Variants in MAP7D1 observed in about 807,000 individuals in gnomAD.
The protein encoded by MAP7D1 is MAP7 domain-containing protein 1.
Under a neutral mutation model 97.5 loss-of-function variants are expected in MAP7D1, and 30 were observed. That is an observed-to-expected ratio of 0.31 (90% CI 0.23 to 0.42). The LOEUF (loss-of-function observed/expected upper bound fraction) is 0.42. MAP7D1 is among the 10% of genes least tolerant of loss of function. MAP7D1 has a pLI of 1.00. For missense variants in MAP7D1, 1,184 were observed against 1,179.5 expected (o/e 1.00, Z -0.06); for synonymous variants, 536 against 477.1 (o/e 1.12, Z -1.61).
At chr1:36,178,865 GGGCC>G in intron 11 of MAP7D1, 42 bp downstream of exon 11, 2 of 1,546,126 alleles carry the variant, frequency 1.3e-6, no homozygotes, top group Non-Finnish European at 1.7e-6. Flanking sequence ...CGGGCGCCGC[GGGCC>G]GGGAGGGAAG....
At chr1:36,161,129 T>C (rs1644403184) in intron 1 of MAP7D1, among the ~76,000 whole-genome samples, 1 of 152,194 alleles carries the variant, frequency 6.6e-6, no homozygotes, top group African/African-American at 2.4e-5. Context: ...TTCAGATCTG[T>C]AGTCTCAGTC....
rs776577317 is a variant in MAP7D1, at chr1:36,178,409, C to T, written c.1709-10C>T. 593 of 1,605,370 alleles carry T rather than the reference C, an allele frequency of 3.7e-4. No homozygotes were observed. Among genetic ancestry groups the T allele is most frequent in the Non-Finnish European group, 4.9e-4 (579 of 1,176,226 alleles). ...GGTGTGCTGACGCCTGATCCCGGAT[C>T]CCCCTCCAGACGCTGCTGTCTTGAC... On this transcript the variant is annotated splice_polypyrimidine_tract_variant and intron_variant, in intron 9 of 16. Coordinates refer to ENST00000474796, the MANE Select transcript of MAP7D1 (RefSeq NM_001388490.1).
chr1:36,160,856 G>A (rs1469494556), intron 1 of MAP7D1, among the ~76,000 whole-genome samples: 1 of 152,234 alleles, frequency 6.6e-6, no homozygotes, highest in Non-Finnish European at 1.5e-5. Flanking sequence ...TGGAGCCTAA[G>A]CAGTTGAACC....
intron 1 of MAP7D1, among the ~76,000 whole-genome samples, chr1:36,158,337 G>C (rs1644365071): frequency 6.6e-6 from 1 of 152,148 alleles, no homozygotes; most frequent in African/African-American, 2.4e-5. Context: ...GGCTTTCTGG[G>C]AGTAAATGTG....
Position 36,180,496 on chromosome 1 carries a change from A to C in MAP7D1, c.*238A>C. ...CAGACATCCCTTCTCCCCCATACAC[A>C]CATATACACTCACAGCCTCTCTGGC... On this transcript the variant is annotated 3_prime_UTR_variant, in exon 17 of 17. Transcript: ENST00000474796. 1.7e-6 allele frequency: 1 copy of C among 583,986 alleles called. No homozygotes were observed. 36.2% of individuals were successfully genotyped at this position (583,986 alleles called of 1,614,324 possible).
At chr1:36,169,410 G>C (rs1249910298) in intron 1 of MAP7D1, among the ~76,000 whole-genome samples, 1 of 152,088 alleles carries the variant, frequency 6.6e-6, no homozygotes, top group Non-Finnish European at 1.5e-5. Flanking sequence ...CAAAAAATTA[G>C]CCAGGCGTGG....
Position 36,174,953 on chromosome 1 carries a change from AATC to A in MAP7D1, c.797_799del (p.Ile266del). On this transcript the variant is annotated inframe_deletion, in exon 6 of 17. Coordinates refer to ENST00000474796, the MANE Select transcript of MAP7D1 (RefSeq NM_001388490.1). ...ACCTGCCCAAACACGTGGACTCTAT[AATC>A]AACAAGCGGCTCTCAAAGTCCTCTG... 6.2e-7 allele frequency: 1 copy of A among 1,613,712 alleles called. No homozygotes were observed. The highest frequency in any genetic ancestry group is 8.5e-7 in the Non-Finnish European group (1 of 1,179,894).
chr1:36,159,999 C>T lies in MAP7D1; in HGVS notation c.46+3536C>T, dbSNP rs1257224179. ...GGGATACTAGGCCAGCTCAGGTCCC[C>T]TTTCCTAACATGATAGTGGGGAAGG... is the stretch of plus-strand genomic sequence containing the variant. On this transcript the variant is annotated intron_variant, in intron 1 of 16. Transcript: ENST00000474796. The surrounding 1 kb of genome is among the most constrained non-coding windows in gnomAD (Gnocchi z 5.4). Among the ~76,000 whole-genome samples the T allele has an allele frequency of 6.6e-6, 1 of 152,228 alleles. No homozygotes were observed. Among genetic ancestry groups the T allele is most frequent in the Admixed American group, 6.5e-5 (1 of 15,286 alleles).
intron 1 of MAP7D1, among the ~76,000 whole-genome samples, chr1:36,156,711 G>C (rs768014882): frequency 1.3e-5 from 2 of 152,100 alleles, no homozygotes; most frequent in African/African-American, 4.8e-5. Context: ...CCCCGCGCGG[G>C]AGTTGTTGGG....
intron 1 of MAP7D1, among the ~76,000 whole-genome samples, chr1:36,158,740 C>T (rs1026781381): frequency 2.6e-5 from 4 of 152,118 alleles, no homozygotes; most frequent in African/African-American, 7.2e-5. Context: ...CTTCTGCAAC[C>T]GGTGCCAGCA....
At chr1:36,173,502 G>T in intron 5 of MAP7D1, 24 bp downstream of exon 5, 4 of 1,523,570 alleles carry the variant, frequency 2.6e-6, no homozygotes, top group Non-Finnish European at 2.7e-6. Flanking sequence ...AGGGGCTGGG[G>T]AGTGGGTGGG....
At position 36,173,389 on chromosome 1, in the gene MAP7D1, G is replaced by C. The variant is rs879704861; in HGVS notation, c.650G>C (p.Arg217Pro). 1.9e-6 allele frequency: 3 copies of C among 1,613,992 alleles called. No individual in the cohort carries two copies. Among genetic ancestry groups the C allele is most frequent in the South Asian group, 1.1e-5 (1 of 91,056 alleles). The change falls in exon 5 of 17, where the codon CGG becomes CCG. Residue 217 changes from arginine to proline, a missense_variant. Coordinates refer to ENST00000474796, the MANE Select transcript of MAP7D1 (RefSeq NM_001388490.1). ...GAGCGCTATGAAGCAGCCATCCAAC[G>C]GTCAGTGAAGAAGACGTGGGCCGAA... ...NKERYEAAIQ[R>P]SVKKTWAEIR...
At chr1:36,164,851 A>G (rs1384420252) in intron 1 of MAP7D1, among the ~76,000 whole-genome samples, 1 of 152,212 alleles carries the variant, frequency 6.6e-6, no homozygotes, top group Non-Finnish European at 1.5e-5. Flanking sequence ...TCCAGGTGAG[A>G]GCGATGATGG....
At chr1:36,165,767 G>C (rs1192290260) in intron 1 of MAP7D1, among the ~76,000 whole-genome samples, 1 of 129,434 alleles carries the variant, frequency 7.7e-6, no homozygotes, top group African/African-American at 3.0e-5. Flanking sequence ...GTCTCACTCT[G>C]TCATCCAGGC....
At chr1:36,170,839 G>C in intron 1 of MAP7D1, 132 bp from the exon 2 acceptor site, 1 of 632,692 alleles carries the variant, frequency 1.6e-6, no homozygotes, top group Non-Finnish European at 2.9e-6. Context: ...TCTGGAACAG[G>C]GCCCGGCACA....
rs902869878 is a variant in MAP7D1 at position 36,173,353 on chromosome 1, C to A, written c.625-11C>A. ...AGTCCACATCTCTCTCTTCTCCCCA[C>A]CTTCCCCCAGGAGCGCTATGAAGCA... On this transcript the variant is annotated splice_polypyrimidine_tract_variant and intron_variant, in intron 4 of 16. Transcript: ENST00000474796. 4 of 1,605,472 alleles carry A rather than the reference C, an allele frequency of 2.5e-6. No homozygotes were observed. In the Admixed American group the frequency reaches 6.8e-5, roughly 27 times the overall value.
chr1:36,161,158 C>T (rs909265793), intron 1 of MAP7D1, among the ~76,000 whole-genome samples: 9 of 152,218 alleles, frequency 5.9e-5, no homozygotes, highest in African/African-American at 4.8e-5. Flanking sequence ...GGCTTTATCA[C>T]CCACAGAAGC....
chr1:36,162,264 C>T (rs79139214), intron 1 of MAP7D1, among the ~76,000 whole-genome samples: 3 of 152,300 alleles, frequency 2.0e-5, no homozygotes, highest in African/African-American at 7.2e-5. Context: ...CCTCACTTCC[C>T]GCCTCTTGGG....
At position 36,156,470 on chromosome 1, in the gene MAP7D1, C is replaced by T. The variant is rs1644330664; in HGVS notation, c.46+7C>T. 3.4e-6 allele frequency: 5 copies of T among 1,456,440 alleles called. No homozygotes were observed. The African/African-American group carries it at 4.5e-5, about 13-fold the overall frequency. The allele number at this position is 1,456,440 out of a possible 1,614,324, so 90.2% of individuals were successfully genotyped here. A position where few individuals can be genotyped will look rare whatever the true frequency, so the allele number is the denominator to read the frequency against. ...GGGGCGGGCGCACCCCCAGGTATGC[C>T]GGGAGCCACGCGGAGGCGAGATGGG... On this transcript the variant is annotated splice_region_variant and intron_variant, in intron 1 of 16. Transcript: ENST00000474796.
Sources: gnomAD v4.1 joint callset for allele counts (sites outside exome capture counted in the v4.1 genomes callset) on GRCh38, gnomAD v4.1.1 for gene constraint, Gnocchi (gnomAD v3.1) non-coding constraint, MANE v1.5 for transcripts, NCBI Gene and HGNC (gene_info 2026-07-23, HGNC 2026-07-21) for gene names.